MCU: variants seen among roughly 807,000 people sequenced by gnomAD.
MCU encodes the protein calcium uniporter protein, mitochondrial.
MCU carries 12 observed loss-of-function variants against 45.2 expected under a neutral mutation model. That is an observed-to-expected ratio of 0.27 (90% CI 0.17 to 0.43). The LOEUF (loss-of-function observed/expected upper bound fraction) is 0.43, where lower values mean the gene tolerates loss of function less well. Ranked by LOEUF, MCU falls within the 20% of genes least tolerant of loss-of-function variation. MCU has a pLI of 1.00. For synonymous variants in MCU, 160 were observed against 165.1 expected, an observed-to-expected ratio of 0.97 and a Z score of 0.24; for missense variants, 324 against 436.7, an observed-to-expected ratio of 0.74 and a Z score of 2.30.
chr10:72,879,560 G>A (rs887970699), intron 6 of MCU, among the ~76,000 whole-genome samples: 2 of 152,210 alleles, frequency 1.3e-5, no homozygotes, highest in African/African-American at 4.8e-5. Flanking sequence ...GTCACCATCA[G>A]ATCTGCACTA....
intron 2 of MCU, among the ~76,000 whole-genome samples, chr10:72,841,005 A>G (rs892439796): frequency 2.6e-5 from 4 of 152,302 alleles, no homozygotes; most frequent in Admixed American, 6.5e-5. Context: ...AAGCAAATTT[A>G]TGTCAGATTT....
At chr10:72,753,889 CAAA>C (rs1427370677) in intron 1 of MCU, among the ~76,000 whole-genome samples, 1 of 151,460 alleles carries the variant, frequency 6.6e-6, no homozygotes, top group Non-Finnish European at 1.5e-5. Context: ...CCAAAAAAAA[CAAA>C]AAAACAAAAC....
At chr10:72,871,862 A>G (rs1845547743) in intron 6 of MCU, among the ~76,000 whole-genome samples, 1 of 152,390 alleles carries the variant, frequency 6.6e-6, no homozygotes, top group East Asian at 1.9e-4. Context: ...AAGGTATAGA[A>G]TAAGTGGACA....
intron 1 of MCU, among the ~76,000 whole-genome samples, chr10:72,780,595 A>G (rs1843977747): frequency 7.3e-6 from 1 of 136,618 alleles, no homozygotes; most frequent in Non-Finnish European, 1.6e-5. Flanking sequence ...TGTTGTCATC[A>G]TTTGTTAAAA....
At chr10:72,721,806 A>G (rs758579432) in intron 1 of MCU, among the ~76,000 whole-genome samples, 39 of 152,136 alleles carry the variant, frequency 2.6e-4, no homozygotes, top group African/African-American at 6.0e-4. Flanking sequence ...TTTCTAGGCA[A>G]TGTCATCTGT....
chr10:72,735,938 T>C (rs547016457), intron 1 of MCU, among the ~76,000 whole-genome samples: 1 of 152,330 alleles, frequency 6.6e-6, no homozygotes, highest in South Asian at 2.1e-4. Context: ...AGACTGTCAT[T>C]TCCCATGTTA....
At chr10:72,868,412 G>A (rs1285996722) in intron 4 of MCU, among the ~76,000 whole-genome samples, 1 of 152,038 alleles carries the variant, frequency 6.6e-6, no homozygotes, top group East Asian at 1.9e-4. Flanking sequence ...AGCCAGGCTT[G>A]TGGCCGGTGC....
chr10:72,825,893 G>A (rs1285624069), intron 1 of MCU, among the ~76,000 whole-genome samples: 1 of 152,142 alleles, frequency 6.6e-6, no homozygotes, highest in Non-Finnish European at 1.5e-5. Flanking sequence ...TAAGATTCAA[G>A]GTCATGCAAC....
Position 72,757,335 on chromosome 10 carries a change from A to G in MCU, c.150+65034A>G, listed in dbSNP as rs1843592882. Among the ~76,000 whole-genome samples the G allele has an allele frequency of 3.3e-5, 5 of 152,208 alleles. No homozygotes were observed. The South Asian group carries it at 1.0e-3, about 32-fold the overall frequency. On this transcript the variant is annotated intron_variant, in intron 1 of 7. Transcript: ENST00000373053. The stretch of plus-strand genomic sequence containing the variant: ...TGTGACATTATTGTATAAGGAGTAC[A>G]AACAATATTGTTTCAGGGAAAAACA...
chr10:72,765,900 CA>C (rs1843719767), intron 1 of MCU, among the ~76,000 whole-genome samples: 1 of 151,672 alleles, frequency 6.6e-6, no homozygotes, highest in East Asian at 1.9e-4. Flanking sequence ...ATCTTGCTCC[CA>C]GGCTGGAAGA....
chr10:72,826,291 A>G (rs754706846), intron 1 of MCU, among the ~76,000 whole-genome samples: 2 of 152,186 alleles, frequency 1.3e-5, no homozygotes, highest in Non-Finnish European at 1.5e-5. Flanking sequence ...GGCCCTAGGC[A>G]TCATCAAAGT....
chr10:72,757,025 AAAAAG>A (rs1280457142), intron 1 of MCU: 7 of 152,098 alleles, frequency 4.6e-5, no homozygotes, highest in Admixed American at 6.6e-5. Context: ...GAAAAAAAAA[AAAAAG>A]AAAAGAACCA....
intron 1 of MCU, among the ~76,000 whole-genome samples, chr10:72,786,228 C>T (rs1431069273): frequency 1.3e-5 from 2 of 151,918 alleles, no homozygotes; most frequent in Admixed American, 6.6e-5. Context: ...TATCCTGTTT[C>T]TTGTGTTATA....
intron 1 of MCU, among the ~76,000 whole-genome samples, chr10:72,818,082 G>A (rs1225567657): frequency 6.6e-6 from 1 of 152,166 alleles, no homozygotes; most frequent in African/African-American, 2.4e-5. Context: ...TTAGCTGTTA[G>A]GAAAGTCATA....
chr10:72,694,404 C>A (rs1842661877), intron 1 of MCU, among the ~76,000 whole-genome samples: 1 of 152,168 alleles, frequency 6.6e-6, no homozygotes, highest in Admixed American at 6.5e-5. Context: ...ATATTCTCAC[C>A]TCTTATTGTG....
At chr10:72,700,822 A>T (rs1842750655) in intron 1 of MCU, among the ~76,000 whole-genome samples, 1 of 152,126 alleles carries the variant, frequency 6.6e-6, no homozygotes, top group South Asian at 2.1e-4. Flanking sequence ...ATTAATTTTT[A>T]TGCTTTGTTC....
chr10:72,800,098 G>A (rs1844315859), intron 1 of MCU, among the ~76,000 whole-genome samples: 1 of 152,102 alleles, frequency 6.6e-6, no homozygotes, highest in African/African-American at 2.4e-5. Context: ...CAAAACGCAG[G>A]AACACAACAC....
At chr10:72,768,057 C>T (rs1000643992) in intron 1 of MCU, among the ~76,000 whole-genome samples, 3 of 150,516 alleles carry the variant, frequency 2.0e-5, no homozygotes, top group African/African-American at 4.9e-5. Context: ...GTTTCCAAGG[C>T]GAATAAAAAA....
At chr10:72,751,202 C>T (rs1843489421) in intron 1 of MCU, among the ~76,000 whole-genome samples, 1 of 151,548 alleles carries the variant, frequency 6.6e-6, no homozygotes, top group Non-Finnish European at 1.5e-5. Context: ...GGGGTTTCAC[C>T]ATGTTGGCCA....
Sources: allele counts gnomAD v4.1 joint callset (sites outside exome capture counted in the v4.1 genomes callset), GRCh38; gene constraint gnomAD v4.1.1; transcripts MANE v1.5; gene names NCBI Gene and HGNC (gene_info 2026-07-23, HGNC 2026-07-21).